The following CAMK2D variants were observed in gnomAD, a reference collection of about 807,000 sequenced individuals.
CAMK2D encodes the protein calcium/calmodulin-dependent protein kinase type II subunit delta.
CAMK2D carries 37 observed loss-of-function variants against 84.0 expected under a neutral mutation model. That is an observed-to-expected ratio of 0.44 (90% CI 0.34 to 0.58). The LOEUF is 0.58. Ranked by LOEUF, CAMK2D falls within the 20% of genes least tolerant of loss-of-function variation. The pLI, the probability that CAMK2D is intolerant of heterozygous loss-of-function variation, is 0.02. For missense variants in CAMK2D, 448 were observed against 652.5 expected (o/e 0.69, Z 3.41); for synonymous variants, 202 against 212.5 (o/e 0.95, Z 0.43).
At chr4:113,591,780 G>A (rs1409384907) in intron 4 of CAMK2D, among the ~76,000 whole-genome samples, 2 of 152,106 alleles carry the variant, frequency 1.3e-5, no homozygotes, top group African/African-American at 2.4e-5. Context: ...CTTTGCACAT[G>A]TTGTTCTTCT....
Position 113,759,269 on chromosome 4 carries a change from T to C in CAMK2D, c.160+51A>G, listed in dbSNP as rs761170135. ...TATTTACATACAACAGAACCTATAATCAACATGACAAATACAAAATTAACC... is the reference window on the plus strand; with the variant it reads ...TATTTACATACAACAGAACCTATAACCAACATGACAAATACAAAATTAACC... On this transcript the variant is annotated intron_variant, in intron 2 of 20. Transcript: ENST00000511664. 9 of 1,140,258 alleles carry C rather than the reference T, an allele frequency of 7.9e-6. No homozygotes were observed. In the Admixed American group the frequency reaches 1.6e-4, roughly 20 times the overall value. The allele number at this position is 1,140,258 out of a possible 1,614,324, so 70.6% of individuals were successfully genotyped here. A position where few individuals can be genotyped will look rare whatever the true frequency, so the allele number is the denominator to read the frequency against.
At chr4:113,615,083 T>G (rs2099015902) in intron 3 of CAMK2D, among the ~76,000 whole-genome samples, 1 of 152,066 alleles carries the variant, frequency 6.6e-6, no homozygotes, top group Non-Finnish European at 1.5e-5. Flanking sequence ...ATTGAGGTAG[T>G]TGGATTTGGT....
At chr4:113,754,456 G>C in intron 2 of CAMK2D, 2 of 925,276 alleles carry the variant, frequency 2.2e-6, no homozygotes, top group Non-Finnish European at 2.6e-6. Context: ...ATCCATAAAA[G>C]GTGACATATT....
chr4:113,686,252 G>T (rs557165211), intron 2 of CAMK2D, among the ~76,000 whole-genome samples: 13 of 152,242 alleles, frequency 8.5e-5, no homozygotes, highest in African/African-American at 3.1e-4. Context: ...TACATAGAAA[G>T]TTGTCCTTTA....
intron 2 of CAMK2D, among the ~76,000 whole-genome samples, chr4:113,669,550 A>G (rs906878743): frequency 6.6e-6 from 1 of 151,890 alleles, no homozygotes; most frequent in African/African-American, 2.4e-5. Context: ...GGAGATGGGC[A>G]GGAAACTCTG....
intron 5 of CAMK2D, among the ~76,000 whole-genome samples, chr4:113,550,030 G>A (rs1214664975): frequency 2.6e-5 from 4 of 152,024 alleles, no homozygotes; most frequent in Non-Finnish European, 5.9e-5. Flanking sequence ...CAAACAACAA[G>A]CATAAATTAT....
intron 16 of CAMK2D, among the ~76,000 whole-genome samples, chr4:113,488,340 A>G (rs1169111221): frequency 1.3e-5 from 2 of 152,216 alleles, no homozygotes; most frequent in South Asian, 2.1e-4. Context: ...ACTCCCACAT[A>G]AAGTAATATC....
chr4:113,664,030 T>G (rs868772468), intron 2 of CAMK2D, among the ~76,000 whole-genome samples: 1 of 152,130 alleles, frequency 6.6e-6, no homozygotes, highest in Non-Finnish European at 1.5e-5. Context: ...AGGGGACTAG[T>G]GCACTGACAC....
intron 4 of CAMK2D, among the ~76,000 whole-genome samples, chr4:113,602,675 A>G (rs1248493903): frequency 6.6e-6 from 1 of 152,140 alleles, no homozygotes; most frequent in Admixed American, 6.5e-5. Flanking sequence ...TCTCTTCTCT[A>G]AGAATTTATT....
At chr4:113,592,074 A>C (rs975085236) in intron 4 of CAMK2D, among the ~76,000 whole-genome samples, 1 of 152,144 alleles carries the variant, frequency 6.6e-6, no homozygotes, top group Non-Finnish European at 1.5e-5. Flanking sequence ...TATAATAGCA[A>C]ATCTATTTAC....
intron 2 of CAMK2D, among the ~76,000 whole-genome samples, chr4:113,736,902 C>T (rs1339661729): frequency 6.6e-6 from 1 of 152,094 alleles, no homozygotes; most frequent in Non-Finnish European, 1.5e-5. Context: ...CTGGCAATGT[C>T]CAGTTCATCA....
intron 17 of CAMK2D, among the ~76,000 whole-genome samples, chr4:113,461,421 T>A (rs985951254): frequency 6.6e-6 from 1 of 151,718 alleles, no homozygotes. Flanking sequence ...TGAGTAAGAG[T>A]TTTCCAGGTG....
At chr4:113,637,282 T>C (rs1313100670) in intron 3 of CAMK2D, among the ~76,000 whole-genome samples, 1 of 152,218 alleles carries the variant, frequency 6.6e-6, no homozygotes, top group Non-Finnish European at 1.5e-5. Context: ...TGAATAAATG[T>C]ATGAGGACAA....
intron 2 of CAMK2D, among the ~76,000 whole-genome samples, chr4:113,673,410 A>T (rs781025037): frequency 6.6e-6 from 1 of 152,202 alleles, no homozygotes; most frequent in African/African-American, 2.4e-5. Flanking sequence ...GAATGATCTC[A>T]CAAGGGACAA....
chr4:113,745,441 C>T (rs1859230), intron 2 of CAMK2D, among the ~76,000 whole-genome samples: 23,459 of 152,034 alleles, frequency 0.15, 2,140 homozygotes, highest in African/African-American at 0.25. Flanking sequence ...ATATATCTTC[C>T]CCATAATTAT....
chr4:113,760,669 T>A (rs535244263), intron 1 of CAMK2D, among the ~76,000 whole-genome samples: 1 of 152,166 alleles, frequency 6.6e-6, no homozygotes, highest in East Asian at 1.9e-4. Context: ...CAAACACACA[T>A]TACACACAGG....
At chr4:113,652,104 C>T (rs17046365) in intron 3 of CAMK2D, among the ~76,000 whole-genome samples, 7,322 of 152,142 alleles carry the variant, frequency 0.048, 570 homozygotes, top group African/African-American at 0.16. Context: ...TATACAGCAG[C>T]GATACAGTGC....
chr4:113,702,168 T>C (rs1054974623), intron 2 of CAMK2D, among the ~76,000 whole-genome samples: 1 of 152,224 alleles, frequency 6.6e-6, no homozygotes, highest in Non-Finnish European at 1.5e-5. Context: ...ACTTCCATTA[T>C]GTAACATTAC....
chr4:113,538,788 T>C (rs369200189), intron 6 of CAMK2D, among the ~76,000 whole-genome samples: 1 of 152,126 alleles, frequency 6.6e-6, no homozygotes, highest in East Asian at 1.9e-4. Context: ...TGGAAGAAAT[T>C]AGGTTAAATC....
Sources: gnomAD v4.1 joint callset for allele counts (sites outside exome capture counted in the v4.1 genomes callset) on GRCh38, gnomAD v4.1.1 for gene constraint, MANE v1.5 for transcripts, NCBI Gene and HGNC (gene_info 2026-07-23, HGNC 2026-07-21) for gene names.